Variants in ZC3H7A observed in about 807,000 individuals in gnomAD.
ZC3H7A encodes zinc finger CCCH domain-containing protein 7A.
In ZC3H7A, 44 loss-of-function variants were observed where a neutral mutation model predicts 125.5. The ratio of observed to expected loss-of-function variants is 0.35; its 90% CI spans 0.28 to 0.45. The LOEUF is 0.45. Among genes scored for constraint, ZC3H7A ranks in the 20% least tolerant of loss-of-function variants. The probability of loss-of-function intolerance (pLI) is 1.00; values close to 1 mark genes in which losing one functional copy is unlikely to be tolerated. For missense variants in ZC3H7A, 977 were observed against 1,170.7 expected, an observed-to-expected ratio of 0.83 and a Z score of 2.41; for synonymous variants, 399 against 391.2, an observed-to-expected ratio of 1.02 and a Z score of -0.23.
chr16:11,774,899 T>C, intron 8 of ZC3H7A, 81 bp downstream of exon 8: 2 of 1,449,548 alleles, frequency 1.4e-6, no homozygotes, highest in East Asian at 2.3e-5. Context: ...AGCGATATTA[T>C]TTGACAATAC....
Position 11,789,898 on chromosome 16 carries a change from T to C in ZC3H7A, c.-35+7226A>G, listed in dbSNP as rs575319935. 4.0e-4 allele frequency among the ~76,000 whole-genome samples: 60 copies of C among 151,878 alleles called. No homozygotes were observed. The South Asian group carries it at 5.0e-3, about 13-fold the overall frequency. ...GAGTTCCAGACCAGCCCAGCCAACA[T>C]GGTGAAACCCCATCTCTACTAAAAA... On this transcript the variant is annotated intron_variant, in intron 1 of 22. Transcript: ENST00000355758.
chr16:11,762,771 T>G, intron 16 of ZC3H7A, 24 bp from the exon 17 acceptor site: 2 of 1,610,730 alleles, frequency 1.2e-6, no homozygotes, highest in Non-Finnish European at 1.7e-6. Flanking sequence ...AAGCCTTCCT[T>G]TAAATTATAT....
intron 16 of ZC3H7A, 128 bp downstream of exon 16, chr16:11,763,350 C>A: frequency 2.3e-6 from 2 of 864,052 alleles, no homozygotes; most frequent in Non-Finnish European, 1.7e-6. Flanking sequence ...CTCAAGTGAT[C>A]CATCTGCCTC....
chr16:11,786,722 T>G (rs2053262744), intron 1 of ZC3H7A, among the ~76,000 whole-genome samples: 1 of 152,228 alleles, frequency 6.6e-6, no homozygotes, highest in African/African-American at 2.4e-5. Context: ...AGTAGTTTTT[T>G]AAGTTTCCCC....
At chr16:11,791,667 C>T (rs771998366) in intron 1 of ZC3H7A, among the ~76,000 whole-genome samples, 6 of 152,114 alleles carry the variant, frequency 3.9e-5, no homozygotes, top group Admixed American at 2.6e-4. Flanking sequence ...AAGAAGCAAG[C>T]GTGAAGAAGG....
chr16:11,764,958 G>C (rs2052829581), intron 15 of ZC3H7A, 95 bp downstream of exon 15: 2 of 768,032 alleles, frequency 2.6e-6, no homozygotes, highest in African/African-American at 1.8e-5. Context: ...AACGATGAAA[G>C]GGCAATGCCT....
chr16:11,792,612 C>T (rs2053372044), intron 1 of ZC3H7A, among the ~76,000 whole-genome samples: 1 of 152,342 alleles, frequency 6.6e-6, no homozygotes, highest in African/African-American at 2.4e-5. Flanking sequence ...GTTCTACATG[C>T]TTTATACGTA....
chr16:11,751,435 C>T lies in ZC3H7A; in HGVS notation c.2798G>A (p.Trp933Ter). 1 of 1,614,160 alleles carries T rather than the reference C, an allele frequency of 6.2e-7. No homozygotes were observed. Among genetic ancestry groups the T allele is most frequent in the Non-Finnish European group, 8.5e-7 (1 of 1,180,028 alleles). Residue 933 changes from tryptophan (W) to a stop codon, truncating the protein, a stop_gained, in exon 23 of 23, where the codon TGG becomes TAG. Coordinates refer to ENST00000355758, the MANE Select transcript of ZC3H7A (RefSeq NM_014153.4). LOFTEE classifies it high-confidence loss of function. ...CTTTAGGGCATCTCTTCTTTCTTCC[C>T]ATTCATGAAGTTCGGCATTTCCATG... ...FAHGNAELHE[W>*]EERRDALKMK...
rs2052759169 is a variant in ZC3H7A, at chr16:11,761,911, A to G, written c.2212T>C (p.Ser738Pro). The G allele has an allele frequency of 2.0e-5, 32 of 1,611,850 alleles. No homozygotes were observed. Among genetic ancestry groups the G allele is most frequent in the Non-Finnish European group, 2.5e-5 (30 of 1,179,546 alleles). ...RKYCSAKARH[S>P]WTKDRRAMRV... ...ATTGTTTCCACACACAATACTTACG[A>G]ATGCCTTGCTTTTGCACTACAATAT... The change falls in exon 18 of 23, where the codon TCG becomes CCG. Residue 738 changes from serine to proline, a missense_variant and splice_region_variant. By Grantham distance (74) the Ser-to-Pro change is moderately conservative. This residue lies in a region of ZC3H7A where 436 missense variants were observed against 603.2 expected (regional missense o/e 0.72). Coordinates refer to ENST00000355758, the MANE Select transcript of ZC3H7A (RefSeq NM_014153.4).
At position 11,780,191 on chromosome 16, in the gene ZC3H7A, G is replaced by A. The variant is rs150235634; in HGVS notation, c.109-828C>T. Among the ~76,000 whole-genome samples, 1,151 of 150,062 alleles carry A rather than the reference G, an allele frequency of 7.7e-3. 11 individuals are homozygous for A. Among genetic ancestry groups the A allele is most frequent in the African/African-American group, 0.026 (1,054 of 40,656 alleles). On this transcript the variant is annotated intron_variant, in intron 3 of 22. Transcript: ENST00000355758. ...GGCTGGAGTGCAGTGGCACGATCTC[G>A]GCTCTCTGCGACTTCACCTCCTGAG...
intron 22 of ZC3H7A, among the ~76,000 whole-genome samples, chr16:11,751,928 G>C (rs12162097): frequency 0.17 from 22,107 of 131,006 alleles, 1,897 homozygotes; most frequent in South Asian, 0.36. Flanking sequence ...TTTTGAGACA[G>C]AGTCTCACTG....
At chr16:11,770,178 C>G (rs565360166) in intron 10 of ZC3H7A, among the ~76,000 whole-genome samples, 3 of 152,036 alleles carry the variant, frequency 2.0e-5, no homozygotes, top group African/African-American at 7.3e-5. Flanking sequence ...ATCTTTAAGT[C>G]AATTATGTAA....
At position 11,769,105 on chromosome 16, in the gene ZC3H7A, TA is replaced by T; in HGVS notation, c.1109-11del. ...GTTGAGGTGGACAGATCTAAAATAA[TA>T]AAAAAACTTCAACAGACCTTTTCAT... On this transcript the variant is annotated splice_polypyrimidine_tract_variant and intron_variant, in intron 10 of 22. Transcript: ENST00000355758. 6.3e-7 allele frequency: 1 copy of T among 1,599,024 alleles called. No individual in the cohort carries two copies. Among genetic ancestry groups the T allele is most frequent in the Non-Finnish European group, 8.5e-7 (1 of 1,174,680 alleles).
In ZC3H7A at chr16:11,776,840, G is replaced by A; in HGVS notation, c.376C>T (p.Leu126=). 1 of 1,613,792 alleles carries A rather than the reference G, an allele frequency of 6.2e-7. No homozygotes were observed. Among genetic ancestry groups the A allele is most frequent in the Non-Finnish European group, 8.5e-7 (1 of 1,179,922 alleles). ...LSLNASNCKA[L]YRKSKALSDL... ...CTTAAAGCCTTAGATTTCCGATACAGAGCTTTGCAGTTACTGGCATTTAAA... is the reference window on the plus strand; with the variant it reads ...CTTAAAGCCTTAGATTTCCGATACAAAGCTTTGCAGTTACTGGCATTTAAA... Residue 126 remains leucine (L), a synonymous_variant, in exon 5 of 23, where the codon CTG becomes TTG. Coordinates refer to ENST00000355758, the MANE Select transcript of ZC3H7A (RefSeq NM_014153.4).
intron 1 of ZC3H7A, among the ~76,000 whole-genome samples, chr16:11,785,306 T>A (rs1369803559): frequency 6.6e-6 from 1 of 151,276 alleles, no homozygotes; most frequent in Non-Finnish European, 1.5e-5. Flanking sequence ...GCCAGTGCAC[T>A]CCAGCCTGGG....
chr16:11,795,624 C>T (rs554526508), intron 1 of ZC3H7A, among the ~76,000 whole-genome samples: 1 of 151,828 alleles, frequency 6.6e-6, no homozygotes, highest in African/African-American at 2.4e-5. Context: ...TTACTAGAGA[C>T]GGGGTTTCTC....
chr16:11,792,538 T>G (rs1012404467), intron 1 of ZC3H7A, among the ~76,000 whole-genome samples: 3 of 152,146 alleles, frequency 2.0e-5, no homozygotes, highest in African/African-American at 7.2e-5. Context: ...GACATCAAGG[T>G]AAGGGAAATG....
At chr16:11,770,099 C>G (rs1353555914) in intron 10 of ZC3H7A, among the ~76,000 whole-genome samples, 1 of 151,916 alleles carries the variant, frequency 6.6e-6, no homozygotes, top group African/African-American at 2.4e-5. Context: ...CTTTCTTTTT[C>G]TTAGTCTAGC....
chr16:11,780,403 G>A (rs2053156521), intron 3 of ZC3H7A, among the ~76,000 whole-genome samples: 1 of 152,082 alleles, frequency 6.6e-6, no homozygotes, highest in Non-Finnish European at 1.5e-5. Flanking sequence ...TTACAGGTGT[G>A]AGCCACCACG....
Sources: gnomAD v4.1 joint callset for allele counts (sites outside exome capture counted in the v4.1 genomes callset) on GRCh38, gnomAD v4.1.1 for gene constraint, gnomAD v4.1.1 regional missense constraint, MANE v1.5 for transcripts, NCBI Gene and HGNC (gene_info 2026-07-23, HGNC 2026-07-21) for gene names.